BABAM2: variants seen among roughly 807,000 people sequenced by gnomAD.
BABAM2 encodes BRISC and BRCA1-A complex member 2.
BABAM2 carries 31 observed loss-of-function variants against 54.7 expected under a neutral mutation model. The ratio of observed to expected loss-of-function variants is 0.57; its 90% CI spans 0.43 to 0.77. BABAM2 has a LOEUF of 0.77. Ranked by LOEUF, BABAM2 falls within the 30% of genes least tolerant of loss-of-function variation. BABAM2 has a pLI of 0.00. For synonymous variants in BABAM2, 167 were observed against 162.9 expected (o/e 1.03, Z -0.19); for missense variants, 364 against 455.8 (o/e 0.80, Z 1.83).
At chr2:28,188,088 A>C (rs4666041) in intron 7 of BABAM2, among the ~76,000 whole-genome samples, 67,670 of 152,038 alleles carry the variant, frequency 0.45, 15,754 homozygotes, top group East Asian at 0.67. Flanking sequence ...TCAAGTTTGA[A>C]ATTTTAATCT....
At chr2:27,991,116 T>A (rs1672746709) in intron 4 of BABAM2, among the ~76,000 whole-genome samples, 1 of 152,142 alleles carries the variant, frequency 6.6e-6, no homozygotes. Context: ...GGTTCCCAAT[T>A]CTAGATATAC....
intron 3 of BABAM2, among the ~76,000 whole-genome samples, chr2:27,986,087 G>A (rs1210394477): frequency 6.6e-6 from 1 of 152,140 alleles, no homozygotes; most frequent in Non-Finnish European, 1.5e-5. Flanking sequence ...GCATTGAGCA[G>A]ATCATATTGA....
intron 5 of BABAM2, among the ~76,000 whole-genome samples, chr2:28,026,688 A>G (rs1045176996): frequency 8.4e-5 from 12 of 142,388 alleles, no homozygotes; most frequent in African/African-American, 3.2e-4. Context: ...CTATGAAACA[A>G]ACCTGCACGT....
At chr2:28,292,377 G>C (rs1687353765) in intron 10 of BABAM2, among the ~76,000 whole-genome samples, 1 of 152,038 alleles carries the variant, frequency 6.6e-6, no homozygotes, top group African/African-American at 2.4e-5. Context: ...AACCATGCTT[G>C]GTGGAAATAT....
At chr2:28,134,928 T>C (rs1204262920) in intron 7 of BABAM2, among the ~76,000 whole-genome samples, 1 of 152,226 alleles carries the variant, frequency 6.6e-6, no homozygotes, top group Non-Finnish European at 1.5e-5. Flanking sequence ...AGAAGCCCCC[T>C]GTTCCTTCAC....
At chr2:28,281,734 G>A (rs1157235041) in intron 10 of BABAM2, among the ~76,000 whole-genome samples, 1 of 152,222 alleles carries the variant, frequency 6.6e-6, no homozygotes, top group East Asian at 1.9e-4. Context: ...TTCAAGGCCA[G>A]CTCTGTCACT....
intron 6 of BABAM2, among the ~76,000 whole-genome samples, chr2:28,107,047 ATG>A (rs1667586982): frequency 1.3e-5 from 2 of 152,164 alleles, no homozygotes. Flanking sequence ...TATCCTTAAT[ATG>A]TTACTGTAAC....
Position 27,893,781 on chromosome 2 carries a change from G to A in BABAM2, c.-24-752G>A, listed in dbSNP as rs145204147. Among the ~76,000 whole-genome samples, 605 of 152,132 alleles carry A rather than the reference G, an allele frequency of 4.0e-3. 1 individual carries two copies. The highest frequency in any genetic ancestry group is 5.3e-3 in the Non-Finnish European group (360 of 68,000). ...GAGGCCATGGTGGGTGGATCATGAC[G>A]TCAAGAGATTGAGACCATCCTGGCC... On this transcript the variant is annotated intron_variant, in intron 1 of 11. Coordinates refer to ENST00000379624, the MANE Select transcript of BABAM2 (RefSeq NM_199191.3).
At chr2:28,145,942 G>A (rs745538325) in intron 7 of BABAM2, among the ~76,000 whole-genome samples, 1 of 152,118 alleles carries the variant, frequency 6.6e-6, no homozygotes, top group African/African-American at 2.4e-5. Context: ...TAATACTCCA[G>A]TATATCAATA....
chr2:28,072,722 C>T (rs1400801621), intron 6 of BABAM2, among the ~76,000 whole-genome samples: 1 of 152,310 alleles, frequency 6.6e-6, no homozygotes, highest in Admixed American at 6.5e-5. Flanking sequence ...TTAGCTATTA[C>T]AGTTTAGGCT....
intron 11 of BABAM2, among the ~76,000 whole-genome samples, chr2:28,327,870 C>T (rs1185613902): frequency 2.6e-5 from 4 of 152,190 alleles, no homozygotes; most frequent in African/African-American, 9.7e-5. Context: ...GAAAACAGAC[C>T]AGGCATGCTC....
chr2:28,322,299 A>T lies in BABAM2; in HGVS notation c.1089-16151A>T, dbSNP rs1268013425. The stretch of plus-strand genomic sequence containing the variant: ...AGCCACCAAGCTCCGCCCAAGGGTG[A>T]CCACAGAAGTAGACAACTTACGAAC... On this transcript the variant is annotated intron_variant, in intron 11 of 11. Transcript: ENST00000379624. This position sits in a 1 kb window ranked among gnomAD's most constrained non-coding sequence, Gnocchi z 4.1. Among the ~76,000 whole-genome samples, 1 of 152,208 alleles carries T rather than the reference A, an allele frequency of 6.6e-6. No individual in the cohort carries two copies. Among genetic ancestry groups the T allele is most frequent in the Non-Finnish European group, 1.5e-5 (1 of 68,042 alleles).
intron 10 of BABAM2, among the ~76,000 whole-genome samples, chr2:28,280,216 A>G (rs1235640162): frequency 4.0e-5 from 6 of 151,296 alleles, no homozygotes; most frequent in South Asian, 4.2e-4. Context: ...AGGCCACCAC[A>G]CTCAGCACAT....
intron 5 of BABAM2, among the ~76,000 whole-genome samples, chr2:28,030,999 T>C (rs1440004874): frequency 3.3e-5 from 5 of 152,310 alleles, no homozygotes; most frequent in East Asian, 1.9e-4. Flanking sequence ...TCCTGGAGAT[T>C]TTTAAAGAAA....
At chr2:28,182,964 A>G (rs1460902268) in intron 7 of BABAM2, among the ~76,000 whole-genome samples, 1 of 152,158 alleles carries the variant, frequency 6.6e-6, no homozygotes, top group Non-Finnish European at 1.5e-5. Flanking sequence ...CTTACTTTAC[A>G]AGATAGACCA....
chr2:28,052,722 T>C (rs1016206756), intron 6 of BABAM2, among the ~76,000 whole-genome samples: 1 of 152,246 alleles, frequency 6.6e-6, no homozygotes, highest in African/African-American at 2.4e-5. Flanking sequence ...AGTGGTGCTG[T>C]CATTCTTTTA....
intron 2 of BABAM2, among the ~76,000 whole-genome samples, chr2:27,926,011 C>G (rs777585742): frequency 5.3e-5 from 8 of 152,006 alleles, no homozygotes; most frequent in Non-Finnish European, 1.2e-4. Flanking sequence ...TCTACAAATG[C>G]ATGTTGGTTT....
chr2:28,254,069 A>G (rs1683738172), intron 10 of BABAM2, among the ~76,000 whole-genome samples: 1 of 152,224 alleles, frequency 6.6e-6, no homozygotes, highest in Non-Finnish European at 1.5e-5. Context: ...TACAAAGTTC[A>G]TGTTAACCTA....
chr2:28,017,354 G>A (rs199563665), intron 4 of BABAM2, among the ~76,000 whole-genome samples: 1 of 22,242 alleles, frequency 4.5e-5, no homozygotes, highest in African/African-American at 8.4e-5. Flanking sequence ...AATGTAAAAT[G>A]TTGTTGGTGA....
Sources: allele counts gnomAD v4.1 joint callset (sites outside exome capture counted in the v4.1 genomes callset), GRCh38; gene constraint gnomAD v4.1.1; non-coding constraint Gnocchi (gnomAD v3.1); transcripts MANE v1.5; gene names NCBI Gene and HGNC (gene_info 2026-07-23, HGNC 2026-07-21).